The following PCDH15 variants were observed in gnomAD, a reference collection of about 807,000 sequenced individuals.
PCDH15 encodes protocadherin related 15.
PCDH15 carries 129 observed loss-of-function variants against 178.5 expected under a neutral mutation model. That is an observed-to-expected ratio of 0.72 (90% CI 0.63 to 0.84). PCDH15 has a LOEUF of 0.84. PCDH15 is among the 40% of genes least tolerant of loss of function. PCDH15 has a pLI of 0.00. For missense variants in PCDH15, 2,230 were observed against 2,099.9 expected (o/e 1.06, Z -1.21); for synonymous variants, 800 against 732.0 (o/e 1.09, Z -1.50).
At chr10:55,025,878 C>T (rs1185747095) in intron 2 of PCDH15, among the ~76,000 whole-genome samples, 2 of 151,788 alleles carry the variant, frequency 1.3e-5, no homozygotes, top group African/African-American at 4.8e-5. Flanking sequence ...TGTAAGGGGA[C>T]TTTAGAGTCA....
chr10:55,120,780 G>C (rs796998728), intron 2 of PCDH15, among the ~76,000 whole-genome samples: 3 of 152,322 alleles, frequency 2.0e-5, no homozygotes, highest in African/African-American at 7.2e-5. Context: ...AGTGGGCTCA[G>C]ATACAGCTTG....
intron 3 of PCDH15, among the ~76,000 whole-genome samples, chr10:54,436,390 A>G (rs1421617275): frequency 6.6e-6 from 1 of 152,120 alleles, no homozygotes; most frequent in Non-Finnish European, 1.5e-5. Flanking sequence ...TGGTTTACTC[A>G]TCAGATAAAA....
intron 8 of PCDH15, among the ~76,000 whole-genome samples, chr10:54,238,196 A>T (rs1265414624): frequency 6.6e-6 from 1 of 152,160 alleles, no homozygotes; most frequent in East Asian, 1.9e-4. Flanking sequence ...ATTCTAAAAA[A>T]TTACTGCAAT....
At chr10:54,489,739 T>G (rs534814496) in intron 3 of PCDH15, among the ~76,000 whole-genome samples, 1 of 152,290 alleles carries the variant, frequency 6.6e-6, no homozygotes, top group East Asian at 1.9e-4. Context: ...CCCTTATGAC[T>G]AAATATATAT....
In PCDH15 at chr10:54,345,801, C is replaced by CAAA. The variant is rs540507383; in HGVS notation, c.594+561_594+563dup. Among the ~76,000 whole-genome samples, 180 of 52,476 alleles carry CAAA rather than the reference C, an allele frequency of 3.4e-3. 10 individuals are homozygous for CAAA. Among genetic ancestry groups the CAAA allele is most frequent in the East Asian group, 6.8e-3 (6 of 876 alleles). The allele number at this position is 52,476 out of a possible 152,430, so 34.4% of individuals were successfully genotyped here. On this transcript the variant is annotated intron_variant, in intron 6 of 37. Coordinates refer to ENST00000644397, the MANE Select transcript of PCDH15 (RefSeq NM_001384140.1). ...TGGGCAACAGAGCGAGACTCCGTCT[C>CAAA]AAAAAAAAAAAAAAAAAAAAAAAAA...
At chr10:55,112,509 A>G (rs918296795) in intron 2 of PCDH15, among the ~76,000 whole-genome samples, 4 of 152,148 alleles carry the variant, frequency 2.6e-5, no homozygotes, top group Non-Finnish European at 5.9e-5. Flanking sequence ...AACAAGGTAA[A>G]GGTGTAGGTG....
intron 15 of PCDH15, among the ~76,000 whole-genome samples, chr10:54,122,244 A>T (rs1276490695): frequency 6.6e-6 from 1 of 152,122 alleles, no homozygotes; most frequent in Non-Finnish European, 1.5e-5. Flanking sequence ...ATCCGATCAC[A>T]TGAACACAAT....
intron 15 of PCDH15, among the ~76,000 whole-genome samples, chr10:54,115,980 T>C (rs899971801): frequency 3.2e-4 from 48 of 151,976 alleles, no homozygotes; most frequent in African/African-American, 1.1e-3. Flanking sequence ...TGAATGGAAA[T>C]AGGAAAAGAA....
At chr10:54,036,802 C>T (rs1026252431) in intron 18 of PCDH15, among the ~76,000 whole-genome samples, 2 of 151,672 alleles carry the variant, frequency 1.3e-5, no homozygotes, top group African/African-American at 4.8e-5. Flanking sequence ...ATAGTTATTC[C>T]TCTGATGGAT....
chr10:54,201,897 C>T (rs2050270594), intron 10 of PCDH15, among the ~76,000 whole-genome samples: 1 of 152,184 alleles, frequency 6.6e-6, no homozygotes, highest in Non-Finnish European at 1.5e-5. Flanking sequence ...TACTGATGCA[C>T]ATTCTTGCCA....
intron 2 of PCDH15, among the ~76,000 whole-genome samples, chr10:55,622,540 G>C (rs1211899279): frequency 1.3e-5 from 2 of 151,924 alleles, no homozygotes; most frequent in Non-Finnish European, 2.9e-5. Flanking sequence ...CTCAGCTGTA[G>C]GATGCAGTCC....
intron 25 of PCDH15, among the ~76,000 whole-genome samples, chr10:53,934,883 C>G (rs1182962840): frequency 6.7e-6 from 1 of 148,922 alleles, no homozygotes; most frequent in African/African-American, 2.5e-5. Flanking sequence ...TTCTATTGCA[C>G]AAGAGCATAA....
At chr10:55,196,035 A>T (rs1178706519) in intron 1 of PCDH15, among the ~76,000 whole-genome samples, 1 of 152,106 alleles carries the variant, frequency 6.6e-6, no homozygotes, top group Non-Finnish European at 1.5e-5. Flanking sequence ...GACACTATTG[A>T]CCAATTGTCA....
chr10:54,135,871 A>G (rs2042860522), intron 14 of PCDH15, among the ~76,000 whole-genome samples: 1 of 152,218 alleles, frequency 6.6e-6, no homozygotes, highest in South Asian at 2.1e-4. Flanking sequence ...AATAATAATA[A>G]CATCTAAGGT....
At chr10:55,243,104 C>T (rs1415577290) in intron 1 of PCDH15, among the ~76,000 whole-genome samples, 1 of 151,538 alleles carries the variant, frequency 6.6e-6, no homozygotes, top group Non-Finnish European at 1.5e-5. Context: ...TAGGAGTAGG[C>T]AAAAAGAAAA....
At chr10:54,589,451 G>A (rs1018136986) in intron 2 of PCDH15, among the ~76,000 whole-genome samples, 1 of 151,950 alleles carries the variant, frequency 6.6e-6, no homozygotes, top group Non-Finnish European at 1.5e-5. Context: ...ACCCCCATTG[G>A]CCATTCTATT....
At chr10:54,482,737 C>T (rs1055247630) in intron 3 of PCDH15, among the ~76,000 whole-genome samples, 1 of 151,780 alleles carries the variant, frequency 6.6e-6, no homozygotes, top group African/African-American at 2.4e-5. Context: ...CAATTGACTT[C>T]AGATTTGCCT....
rs190885843 is a variant in PCDH15, at chr10:54,647,909, C to T, written c.91+16263G>A. Among the ~76,000 whole-genome samples the T allele has an allele frequency of 2.7e-3, 414 of 152,118 alleles. 3 individuals are homozygous for T. Among genetic ancestry groups the T allele is most frequent in the African/African-American group, 9.0e-3 (373 of 41,550 alleles). ...TACTCCTTCTTCCCTATTACCACTG[C>T]CCTCTTGCTTAAAAACAAACAAAAC... is the stretch of plus-strand genomic sequence containing the variant. On this transcript the variant is annotated intron_variant, in intron 2 of 37. Transcript: ENST00000644397.
chr10:54,707,514 T>C (rs373333347), intron 1 of PCDH15, among the ~76,000 whole-genome samples: 45 of 152,088 alleles, frequency 3.0e-4, no homozygotes, highest in African/African-American at 1.1e-3. Flanking sequence ...AAATAACAAA[T>C]GGAGACTAAA....
Sources: allele counts gnomAD v4.1 joint callset (sites outside exome capture counted in the v4.1 genomes callset), GRCh38; gene constraint gnomAD v4.1.1; transcripts MANE v1.5; gene names NCBI Gene and HGNC (gene_info 2026-07-23, HGNC 2026-07-21).